The following TANGO6 variants were observed in gnomAD, a reference collection of about 807,000 sequenced individuals.
TANGO6 encodes the protein transport and golgi organization 6 homolog, also known as transport and Golgi organization protein 6 homolog.
Under a neutral mutation model 114.2 loss-of-function variants are expected in TANGO6, and 90 were observed. The ratio of observed to expected loss-of-function variants is 0.79; its 90% CI spans 0.66 to 0.94. The LOEUF is 0.94. Ranked by LOEUF, TANGO6 falls within the 40% of genes least tolerant of loss-of-function variation. The probability of loss-of-function intolerance (pLI) is 0.00; values close to 1 mark genes in which losing one functional copy is unlikely to be tolerated. For missense variants in TANGO6, 1,274 were observed against 1,315.3 expected (o/e 0.97, Z 0.49); for synonymous variants, 477 against 509.8 (o/e 0.94, Z 0.87).
intron 17 of TANGO6, among the ~76,000 whole-genome samples, chr16:69,051,832 C>T (rs1469162605): frequency 1.3e-5 from 2 of 151,906 alleles, no homozygotes; most frequent in Admixed American, 1.3e-4. Context: ...GGCAACAGAG[C>T]GAGACTGTCT....
At chr16:69,061,696 A>G (rs1597076036) in intron 17 of TANGO6, among the ~76,000 whole-genome samples, 1 of 152,150 alleles carries the variant, frequency 6.6e-6, no homozygotes, top group South Asian at 2.1e-4. Flanking sequence ...AGGAAACTGC[A>G]TTTATCTTAT....
intron 14 of TANGO6, among the ~76,000 whole-genome samples, chr16:68,965,566 C>T (rs1165625742): frequency 6.6e-6 from 1 of 152,148 alleles, no homozygotes; most frequent in Admixed American, 6.5e-5. Context: ...CTTTGGGATG[C>T]CAAGGCAGGC....
chr16:68,919,274 C>A (rs1161295608), intron 12 of TANGO6, 55 bp downstream of exon 12: 4 of 1,582,906 alleles, frequency 2.5e-6, no homozygotes, highest in Non-Finnish European at 3.4e-6. Context: ...AGCGAAATAC[C>A]AGTTGTTTTC....
At chr16:69,013,654 C>CTTT (rs1221505040) in intron 15 of TANGO6, among the ~76,000 whole-genome samples, 4 of 128,156 alleles carry the variant, frequency 3.1e-5, no homozygotes, top group East Asian at 2.1e-4. Context: ...CCTTAAGTTC[C>CTTT]TTTTTTTTTT....
intron 1 of TANGO6, among the ~76,000 whole-genome samples, chr16:68,845,580 T>G (rs914327793): frequency 5.6e-4 from 85 of 152,194 alleles, no homozygotes; most frequent in African/African-American, 2.0e-3. Flanking sequence ...CTGGGCGAGG[T>G]GGGCCATACC....
chr16:69,070,106 G>C (rs1425071431), intron 17 of TANGO6, among the ~76,000 whole-genome samples: 1 of 151,750 alleles, frequency 6.6e-6, no homozygotes, highest in Non-Finnish European at 1.5e-5. Flanking sequence ...TACTCAGGAG[G>C]CTGAGGCAGG....
chr16:68,972,614 CAT>C (rs1278720718), intron 14 of TANGO6, among the ~76,000 whole-genome samples: 1 of 152,144 alleles, frequency 6.6e-6, no homozygotes, highest in Non-Finnish European at 1.5e-5. Flanking sequence ...GAGCACCTGA[CAT>C]GTGCTAGGAC....
chr16:68,903,299 C>T (rs769566115), intron 9 of TANGO6, among the ~76,000 whole-genome samples: 1 of 152,128 alleles, frequency 6.6e-6, no homozygotes, highest in Non-Finnish European at 1.5e-5. Context: ...ACGCAAGCTG[C>T]TATTCTGCCC....
chr16:68,875,146 T>C lies in TANGO6; in HGVS notation c.995-8T>C. ...GTGAGCTGCTAACATCTCTCTCCAT[T>C]GTGCCAGCGGGAGCAGCTGGTGGAA... On this transcript the variant is annotated splice_region_variant and splice_polypyrimidine_tract_variant and intron_variant, in intron 4 of 17. Coordinates refer to ENST00000261778, the MANE Select transcript of TANGO6 (RefSeq NM_024562.2). 3 of 1,609,746 alleles carry C rather than the reference T, an allele frequency of 1.9e-6. No individual in the cohort carries two copies. The highest frequency in any genetic ancestry group is 1.1e-5 in the South Asian group (1 of 90,642).
chr16:68,860,642 A>G, intron 2 of TANGO6, 118 bp downstream of exon 2: 1 of 1,263,562 alleles, frequency 7.9e-7, no homozygotes, highest in East Asian at 2.5e-5. Flanking sequence ...GATATGCCAA[A>G]GCATATCCAA....
intron 15 of TANGO6, among the ~76,000 whole-genome samples, chr16:69,001,220 T>G (rs1964039215): frequency 6.6e-6 from 1 of 152,170 alleles, no homozygotes; most frequent in Admixed American, 6.6e-5. Context: ...TGGCTCACCC[T>G]CTATGTTCCC....
At chr16:68,949,457 C>T (rs948667746) in intron 14 of TANGO6, among the ~76,000 whole-genome samples, 1 of 151,752 alleles carries the variant, frequency 6.6e-6, no homozygotes, top group Non-Finnish European at 1.5e-5. Flanking sequence ...TTTGTCTCCA[C>T]TAAAAAGACA....
intron 17 of TANGO6, among the ~76,000 whole-genome samples, chr16:69,053,781 C>T (rs1043712359): frequency 2.6e-5 from 4 of 151,888 alleles, no homozygotes; most frequent in Non-Finnish European, 4.4e-5. Context: ...ATCTTAGTCT[C>T]GGCCAGGCAC....
chr16:68,865,530 C>T (rs1030850262), intron 3 of TANGO6, among the ~76,000 whole-genome samples: 1 of 152,172 alleles, frequency 6.6e-6, no homozygotes, highest in Non-Finnish European at 1.5e-5. Context: ...ATAAGGGACA[C>T]CAAGTCTATT....
chr16:68,876,623 C>T (rs565694820), intron 5 of TANGO6, among the ~76,000 whole-genome samples: 1 of 151,940 alleles, frequency 6.6e-6, no homozygotes, highest in Admixed American at 6.6e-5. Flanking sequence ...GAGTTCGAGA[C>T]CAGCCTGGCC....
At chr16:68,982,582 G>A (rs992894337) in intron 15 of TANGO6, among the ~76,000 whole-genome samples, 1 of 150,594 alleles carries the variant, frequency 6.6e-6, no homozygotes, top group African/African-American at 2.5e-5. Context: ...TACCCACCTT[G>A]GCCTCCCAAA....
chr16:68,907,676 G>A, intron 10 of TANGO6, 101 bp downstream of exon 10: 1 of 1,355,476 alleles, frequency 7.4e-7, no homozygotes, highest in Admixed American at 3.2e-5. Context: ...CTAAAATGTA[G>A]GCCCTAATTT....
At chr16:69,057,920 C>G (rs72789210) in intron 17 of TANGO6, among the ~76,000 whole-genome samples, 1 of 152,062 alleles carries the variant, frequency 6.6e-6, no homozygotes, top group African/African-American at 2.4e-5. Context: ...ACAGACTACG[C>G]GATTCAGCAA....
At chr16:69,023,078 T>G in intron 16 of TANGO6, 99 bp downstream of exon 16, 1 of 1,276,358 alleles carries the variant, frequency 7.8e-7, no homozygotes, top group Non-Finnish European at 1.1e-6. Flanking sequence ...TTTTTGCAGA[T>G]CTGCCACTGC....
Sources: allele counts gnomAD v4.1 joint callset (sites outside exome capture counted in the v4.1 genomes callset), GRCh38; gene constraint gnomAD v4.1.1; transcripts MANE v1.5; gene names NCBI Gene and HGNC (gene_info 2026-07-23, HGNC 2026-07-21).